ECHDC1: variants seen among roughly 807,000 people sequenced by gnomAD.
ECHDC1 encodes ethylmalonyl-CoA decarboxylase 1.
In ECHDC1, 29 loss-of-function variants were observed where a neutral mutation model predicts 29.7. The ratio of observed to expected loss-of-function variants is 0.98; its 90% CI spans 0.73 to 1.33. ECHDC1 has a LOEUF of 1.33. ECHDC1 is among the 40% of genes most tolerant of loss of function. The pLI, the probability that ECHDC1 is intolerant of heterozygous loss-of-function variation, is 0.00. For synonymous variants in ECHDC1, 126 were observed against 123.1 expected, an observed-to-expected ratio of 1.02 and a Z score of -0.15; for missense variants, 328 against 350.0, an observed-to-expected ratio of 0.94 and a Z score of 0.50.
rs988362004 is a variant in ECHDC1, at chr6:127,316,620, C to A, written c.364-118G>T. ...AAAATATGTCTTTTTTAAACAATGA[C>A]ATTTCCATTTAAAACTCTTTGATGT... On this transcript the variant is annotated intron_variant, in intron 3 of 5. Transcript: ENST00000454859. 1.2e-5 allele frequency: 9 copies of A among 753,386 alleles called. No individual in the cohort carries two copies. In the African/African-American group the frequency reaches 1.6e-4, roughly 14 times the overall value. 46.7% of individuals were successfully genotyped at this position (753,386 alleles called of 1,614,324 possible).
intron 1 of ECHDC1, among the ~76,000 whole-genome samples, chr6:127,335,748 T>C (rs1784373635): frequency 6.6e-6 from 1 of 152,098 alleles, no homozygotes; most frequent in South Asian, 2.1e-4. Context: ...TATACAAAAC[T>C]AATAAGCAAC....
At chr6:127,336,855 T>C (rs1237388295) in intron 1 of ECHDC1, among the ~76,000 whole-genome samples, 1 of 152,182 alleles carries the variant, frequency 6.6e-6, no homozygotes, top group Non-Finnish European at 1.5e-5. Flanking sequence ...CAAATGTAAA[T>C]ATCAAGTTGC....
At chr6:127,331,947 A>C (rs923260106) in intron 1 of ECHDC1, 4 of 875,340 alleles carry the variant, frequency 4.6e-6, no homozygotes, top group Non-Finnish European at 5.5e-6. Flanking sequence ...TCTCCTCTTA[A>C]TTTTTACCTC....
At chr6:127,333,852 T>G (rs146177403) in intron 1 of ECHDC1, among the ~76,000 whole-genome samples, 17 of 152,284 alleles carry the variant, frequency 1.1e-4, no homozygotes, top group African/African-American at 4.1e-4. Flanking sequence ...GTATCACTTC[T>G]TCTTTGTTTT....
chr6:127,311,907 G>A (rs1281621788), intron 5 of ECHDC1, among the ~76,000 whole-genome samples: 1 of 151,786 alleles, frequency 6.6e-6, no homozygotes, highest in African/African-American at 2.4e-5. Flanking sequence ...TGGCTCTATA[G>A]GATACTAACA....
At chr6:127,290,590 G>T (rs1410434758) in intron 5 of ECHDC1, among the ~76,000 whole-genome samples, 1 of 152,078 alleles carries the variant, frequency 6.6e-6, no homozygotes, top group Non-Finnish European at 1.5e-5. Context: ...TCAAGTGAAA[G>T]TATGGGAGTA....
chr6:127,329,744 GTTAAAC>G (rs147083126), intron 2 of ECHDC1: 5,229 of 314,494 alleles, frequency 0.017, 72 homozygotes, highest in Middle Eastern at 0.034. Flanking sequence ...TAAGTGAATT[GTTAAAC>G]TTAATTTTAC....
chr6:127,324,112 T>G (rs892690626), intron 3 of ECHDC1, among the ~76,000 whole-genome samples: 32 of 152,270 alleles, frequency 2.1e-4, no homozygotes, highest in African/African-American at 7.7e-4. Flanking sequence ...TTCCTGTCCT[T>G]CATTTTCTTC....
In ECHDC1 at chr6:127,289,715, G is replaced by A; in HGVS notation, c.*154C>T. 1.3e-6 allele frequency: 1 copy of A among 780,566 alleles called. No homozygotes were observed. Among genetic ancestry groups the A allele is most frequent in the African/African-American group, 1.7e-5 (1 of 57,376 alleles). The allele number at this position is 780,566 out of a possible 1,614,324, so 48.4% of individuals were successfully genotyped here. A position where few individuals can be genotyped will look rare whatever the true frequency, so the allele number is the denominator to read the frequency against. ...AAGTGAGTAATTGGCAAGAAATGAG[G>A]TAAATGAGTTCAGATATTCAAATGA... On this transcript the variant is annotated 3_prime_UTR_variant, in exon 6 of 6. Coordinates refer to ENST00000454859, the MANE Select transcript of ECHDC1 (RefSeq NM_001002030.2).
At chr6:127,294,652 T>C (rs908437970) in intron 5 of ECHDC1, 7 of 152,146 alleles carry the variant, frequency 4.6e-5, no homozygotes, top group African/African-American at 1.4e-4. Context: ...GATATAAAAA[T>C]GTTTTGTGAT....
At chr6:127,307,119 C>A (rs1287612247) in intron 5 of ECHDC1, among the ~76,000 whole-genome samples, 1 of 151,978 alleles carries the variant, frequency 6.6e-6, no homozygotes, top group African/African-American at 2.4e-5. Context: ...TCTCTTAGAA[C>A]AAATGATAAT....
At chr6:127,308,625 A>G (rs970880551) in intron 5 of ECHDC1, among the ~76,000 whole-genome samples, 1 of 152,232 alleles carries the variant, frequency 6.6e-6, no homozygotes, top group Non-Finnish European at 1.5e-5. Context: ...CACAACTGTT[A>G]TTCAACATAG....
At chr6:127,298,987 T>TGCCTCATCCTCCC (rs1337717028) in intron 5 of ECHDC1, among the ~76,000 whole-genome samples, 2 of 151,972 alleles carry the variant, frequency 1.3e-5, no homozygotes, top group Non-Finnish European at 2.9e-5. Context: ...GCGATCCTCC[T>TGCCTCATCCTCCC]GCCTCATCCT....
chr6:127,324,425 G>A (rs1200291477), intron 3 of ECHDC1, among the ~76,000 whole-genome samples: 1 of 152,094 alleles, frequency 6.6e-6, no homozygotes, highest in Non-Finnish European at 1.5e-5. Flanking sequence ...TGAGTGGCAG[G>A]CCTATGTCTA....
chr6:127,307,648 G>GAAAAAAAAAAAAAAAAAAAAAAAAAA (rs71024770), intron 5 of ECHDC1, among the ~76,000 whole-genome samples: 2 of 48,660 alleles, frequency 4.1e-5, no homozygotes, highest in African/African-American at 6.6e-5. Context: ...CTCTGTCTCA[G>GAAAAAAAAAAAAAAAAAAAAAAAAAA]AAAAAAAAAA....
intron 5 of ECHDC1, among the ~76,000 whole-genome samples, chr6:127,292,306 G>A (rs1356382258): frequency 6.6e-6 from 1 of 151,964 alleles, no homozygotes; most frequent in Non-Finnish European, 1.5e-5. Context: ...TTCATATTTG[G>A]AATTATTTGC....
chr6:127,298,704 G>A (rs1000942384), intron 5 of ECHDC1, among the ~76,000 whole-genome samples: 6 of 151,994 alleles, frequency 3.9e-5, no homozygotes, highest in South Asian at 4.2e-4. Context: ...TGACATCATC[G>A]CCATTGTAAT....
chr6:127,328,267 T>C (rs956180385), intron 2 of ECHDC1, among the ~76,000 whole-genome samples: 1 of 152,206 alleles, frequency 6.6e-6, no homozygotes, highest in African/African-American at 2.4e-5. Context: ...TATACCATGG[T>C]GGTCCCAAGA....
chr6:127,320,253 G>A (rs1782732199), intron 3 of ECHDC1, among the ~76,000 whole-genome samples: 2 of 152,128 alleles, frequency 1.3e-5, no homozygotes, highest in African/African-American at 2.4e-5. Context: ...CTGACCTCAG[G>A]TGATCTGCCC....
Sources: allele counts gnomAD v4.1 joint callset (sites outside exome capture counted in the v4.1 genomes callset), GRCh38; gene constraint gnomAD v4.1.1; transcripts MANE v1.5; gene names NCBI Gene and HGNC (gene_info 2026-07-23, HGNC 2026-07-21).